DNAH11: variants seen among roughly 807,000 people sequenced by gnomAD.
DNAH11 encodes dynein axonemal heavy chain 11.
DNAH11 carries 442 observed loss-of-function variants against 526.0 expected under a neutral mutation model. That is an observed-to-expected ratio of 0.84 (90% CI 0.78 to 0.91). The LOEUF (loss-of-function observed/expected upper bound fraction) is 0.91. Among genes scored for constraint, DNAH11 ranks in the 40% least tolerant of loss-of-function variants. The pLI, the probability that DNAH11 is intolerant of heterozygous loss-of-function variation, is 0.00. For synonymous variants in DNAH11, 2,461 were observed against 1,935.9 expected, an observed-to-expected ratio of 1.27 and a Z score of -7.12; for missense variants, 6,989 against 5,448.7, an observed-to-expected ratio of 1.28 and a Z score of -8.90.
intron 45 of DNAH11, among the ~76,000 whole-genome samples, chr7:21,732,652 G>A (rs1785432397): frequency 6.6e-6 from 1 of 152,140 alleles, no homozygotes; most frequent in South Asian, 2.1e-4. Context: ...CACAAACAAG[G>A]AATTCAGAAG....
At chr7:21,871,221 C>G (rs1227564807) in intron 73 of DNAH11, among the ~76,000 whole-genome samples, 1 of 152,184 alleles carries the variant, frequency 6.6e-6, no homozygotes, top group Non-Finnish European at 1.5e-5. Context: ...ATCTCACATG[C>G]ACACCAGAAG....
In DNAH11 at chr7:21,853,518, A is replaced by G. The variant is rs956645233; in HGVS notation, c.11062-797A>G. 8.5e-5 allele frequency among the ~76,000 whole-genome samples: 13 copies of G among 152,328 alleles called. No homozygotes were observed. In the South Asian group the frequency reaches 1.9e-3, roughly 22 times the overall value. Reference sequence around the variant, plus strand: ...ATTGTCTCTTAAAATGTGTCTTCCTATCTTCTTAATATATCACCATGTAGT... The same window carrying G: ...ATTGTCTCTTAAAATGTGTCTTCCTGTCTTCTTAATATATCACCATGTAGT... On this transcript the variant is annotated intron_variant, in intron 67 of 81. Transcript: ENST00000409508.
At position 21,784,347 on chromosome 7, in the gene DNAH11, C is replaced by T. The variant is rs562608924; in HGVS notation, c.9484-80C>T. 1,686 of 1,055,044 alleles carry T rather than the reference C, an allele frequency of 1.6e-3. 1 individual carries two copies. Among genetic ancestry groups the T allele is most frequent in the Non-Finnish European group, 2.1e-3 (1,435 of 693,550 alleles). 65.4% of individuals were successfully genotyped at this position (1,055,044 alleles called of 1,614,324 possible). On this transcript the variant is annotated intron_variant, in intron 57 of 81. Transcript: ENST00000409508. Reference sequence around the variant, plus strand: ...AGAAATGAATTATTTAACAGTGCATCTGAGTCAACCTCCATTTTTCTTTAG... The same window carrying T: ...AGAAATGAATTATTTAACAGTGCATTTGAGTCAACCTCCATTTTTCTTTAG...
At chr7:21,594,785 T>A (rs1784807805) in intron 14 of DNAH11, among the ~76,000 whole-genome samples, 1 of 151,724 alleles carries the variant, frequency 6.6e-6, no homozygotes, top group African/African-American at 2.4e-5. Context: ...TGAGGTGAGG[T>A]CAGACGCTAA....
At chr7:21,691,984 C>G (rs1394686582) in intron 35 of DNAH11, among the ~76,000 whole-genome samples, 1 of 152,202 alleles carries the variant, frequency 6.6e-6, no homozygotes, top group Non-Finnish European at 1.5e-5. Flanking sequence ...CAAAAGTACT[C>G]TGCCAATGTA....
intron 25 of DNAH11, among the ~76,000 whole-genome samples, chr7:21,621,200 G>A (rs1021051118): frequency 6.6e-6 from 1 of 152,074 alleles, no homozygotes; most frequent in African/African-American, 2.4e-5. Context: ...ACACCTCTAT[G>A]CAAATAAACT....
chr7:21,546,053 A>G (rs1782792778), intron 2 of DNAH11, among the ~76,000 whole-genome samples: 1 of 152,224 alleles, frequency 6.6e-6, no homozygotes. Flanking sequence ...ACTGGGTTAG[A>G]TATCTGTCTA....
chr7:21,851,635 C>T (rs1434240539), intron 66 of DNAH11: 6 of 471,336 alleles, frequency 1.3e-5, no homozygotes, highest in Non-Finnish European at 2.6e-5. Context: ...GATGGCATTT[C>T]CTGGAGGTAA....
intron 63 of DNAH11, among the ~76,000 whole-genome samples, chr7:21,813,714 A>T (rs1789635184): frequency 6.6e-6 from 1 of 151,788 alleles, no homozygotes; most frequent in Non-Finnish European, 1.5e-5. Flanking sequence ...TTTTTGTTTC[A>T]GCTCCACCTC....
At chr7:21,867,622 C>T (rs1256444715) in intron 71 of DNAH11, among the ~76,000 whole-genome samples, 1 of 152,094 alleles carries the variant, frequency 6.6e-6, no homozygotes, top group Admixed American at 6.5e-5. Flanking sequence ...GTCTCAGTAG[C>T]CCCCCAAAAT....
intron 66 of DNAH11, among the ~76,000 whole-genome samples, chr7:21,848,973 C>T (rs568952770): frequency 5.3e-5 from 8 of 152,182 alleles, no homozygotes; most frequent in Non-Finnish European, 1.0e-4. Flanking sequence ...GCAACCTCTG[C>T]CTCCTTGGTT....
chr7:21,828,857 T>C (rs190899337), intron 65 of DNAH11, among the ~76,000 whole-genome samples: 2 of 152,156 alleles, frequency 1.3e-5, no homozygotes, highest in African/African-American at 4.8e-5. Flanking sequence ...GAAGTTTGCT[T>C]TTATCTTAGA....
chr7:21,543,430 T>C lies in DNAH11; in HGVS notation c.185T>C (p.Leu62Pro), dbSNP rs969842140. ...GCCCAAGACGCGCGGGTGCGCTTCC[T>C]CGGCGGCCGCCTGGCGATGATGCTG... ...SFAQDARVRF[L>P]GGRLAMMLGF... is the part of the protein sequence containing the mutation. Residue 62 changes from leucine (L) to proline (P), a missense_variant, in exon 1 of 82, where the codon CTC becomes CCC. Transcript: ENST00000409508. The C allele has an allele frequency of 3.9e-6, 6 of 1,557,192 alleles. No individual in the cohort carries two copies. The Admixed American group carries it at 5.8e-5, about 15-fold the overall frequency.
chr7:21,869,137 C>A, intron 73 of DNAH11, 146 bp downstream of exon 73: 9 of 1,201,488 alleles, frequency 7.5e-6, no homozygotes, highest in Non-Finnish European at 8.1e-6. Flanking sequence ...GTTCATGATG[C>A]CTGCAAAGAT....
At chr7:21,822,948 G>T (rs943483604) in intron 65 of DNAH11, among the ~76,000 whole-genome samples, 38 of 102,900 alleles carry the variant, frequency 3.7e-4, no homozygotes, top group African/African-American at 1.0e-3. Context: ...TTTTAAATCA[G>T]ATTATTTGCT....
intron 30 of DNAH11, among the ~76,000 whole-genome samples, chr7:21,666,904 G>GA (rs375623643): frequency 1.8e-4 from 27 of 151,296 alleles, no homozygotes; most frequent in African/African-American, 4.8e-4. Context: ...TAAGGTATAT[G>GA]AAAAAAAACA....
chr7:21,850,058 C>T (rs770162077), intron 66 of DNAH11, among the ~76,000 whole-genome samples: 10 of 151,228 alleles, frequency 6.6e-5, no homozygotes, highest in East Asian at 1.9e-4. Context: ...CTCATGAGCC[C>T]GTCAAAAACA....
chr7:21,704,664 G>A (rs1784197697), intron 38 of DNAH11, 36 bp downstream of exon 38: 1 of 1,573,508 alleles, frequency 6.4e-7, no homozygotes, highest in East Asian at 2.2e-5. Context: ...GCAGCTGTTG[G>A]GATTGTCAGT....
At chr7:21,802,579 T>G (rs987996978) in intron 62 of DNAH11, among the ~76,000 whole-genome samples, 2 of 152,194 alleles carry the variant, frequency 1.3e-5, no homozygotes, top group Admixed American at 6.5e-5. Context: ...TGTCCCTTAA[T>G]TGATAAATGG....
Sources: allele counts gnomAD v4.1 joint callset (sites outside exome capture counted in the v4.1 genomes callset), GRCh38; gene constraint gnomAD v4.1.1; transcripts MANE v1.5; gene names NCBI Gene and HGNC (gene_info 2026-07-23, HGNC 2026-07-21).